Variants in PDE7B observed in about 807,000 individuals in gnomAD.
PDE7B encodes 3',5'-cyclic-AMP phosphodiesterase 7B.
In PDE7B, 29 loss-of-function variants were observed where a neutral mutation model predicts 56.2. That is an observed-to-expected ratio of 0.52 (90% CI 0.38 to 0.70). The LOEUF is 0.70. PDE7B is among the 30% of genes least tolerant of loss of function. The probability of loss-of-function intolerance (pLI) is 0.00; values close to 1 mark genes in which losing one functional copy is unlikely to be tolerated. For synonymous variants in PDE7B, 197 were observed against 196.9 expected (o/e 1.00, Z 0.00); for missense variants, 490 against 565.0 (o/e 0.87, Z 1.35).
At chr6:135,890,638 A>G (rs1451067968) in intron 1 of PDE7B, among the ~76,000 whole-genome samples, 1 of 152,152 alleles carries the variant, frequency 6.6e-6, no homozygotes, top group Admixed American at 6.6e-5. Flanking sequence ...CACCAAAATG[A>G]GGAGAAGGAG....
At chr6:136,091,938 C>T (rs1777394442) in intron 2 of PDE7B, among the ~76,000 whole-genome samples, 1 of 152,140 alleles carries the variant, frequency 6.6e-6, no homozygotes, top group East Asian at 1.9e-4. Flanking sequence ...ATATACTACA[C>T]ATAAATCCAT....
chr6:135,937,125 C>T (rs995011198), intron 1 of PDE7B, among the ~76,000 whole-genome samples: 1 of 152,186 alleles, frequency 6.6e-6, no homozygotes, highest in Non-Finnish European at 1.5e-5. Flanking sequence ...TAGCAGAACC[C>T]TTTTTCCACC....
chr6:135,890,908 C>A (rs757422552), intron 1 of PDE7B, among the ~76,000 whole-genome samples: 1 of 151,904 alleles, frequency 6.6e-6, no homozygotes, highest in African/African-American at 2.4e-5. Flanking sequence ...TGTTTATTCA[C>A]GTGTTATTTT....
chr6:135,866,413 C>T (rs1315341257), intron 1 of PDE7B, among the ~76,000 whole-genome samples: 1 of 152,086 alleles, frequency 6.6e-6, no homozygotes, highest in Non-Finnish European at 1.5e-5. Flanking sequence ...CATTTCTTTA[C>T]AAAAGCATTA....
chr6:136,012,029 A>C (rs1312637759), intron 2 of PDE7B, among the ~76,000 whole-genome samples: 1 of 152,164 alleles, frequency 6.6e-6, no homozygotes, highest in Non-Finnish European at 1.5e-5. Context: ...ATGTAATTAC[A>C]AGTGAAATAT....
At chr6:135,911,299 C>T (rs1289942929) in intron 1 of PDE7B, among the ~76,000 whole-genome samples, 1 of 152,128 alleles carries the variant, frequency 6.6e-6, no homozygotes, top group Non-Finnish European at 1.5e-5. Context: ...CCCTAACTGC[C>T]CTTATTTTGG....
At chr6:135,903,407 A>G (rs1776040651) in intron 1 of PDE7B, among the ~76,000 whole-genome samples, 1 of 152,186 alleles carries the variant, frequency 6.6e-6, no homozygotes. Context: ...CCTGTACTCC[A>G]ATATGCTGCT....
intron 2 of PDE7B, among the ~76,000 whole-genome samples, chr6:135,981,383 A>G (rs1341162604): frequency 6.6e-6 from 1 of 151,834 alleles, no homozygotes; most frequent in Non-Finnish European, 1.5e-5. Flanking sequence ...ATGTACACAT[A>G]TGTAACTAAC....
At chr6:136,062,218 T>C (rs1776856912) in intron 2 of PDE7B, among the ~76,000 whole-genome samples, 1 of 152,178 alleles carries the variant, frequency 6.6e-6, no homozygotes, top group African/African-American at 2.4e-5. Flanking sequence ...TCCACCTTTA[T>C]TGAGATATAA....
At chr6:136,091,743 G>T (rs1777390926) in intron 2 of PDE7B, among the ~76,000 whole-genome samples, 1 of 152,218 alleles carries the variant, frequency 6.6e-6, no homozygotes, top group Non-Finnish European at 1.5e-5. Context: ...TCTCCAGTGT[G>T]CTGAAATATT....
chr6:135,964,882 C>T (rs938286553), intron 2 of PDE7B, among the ~76,000 whole-genome samples: 1 of 152,230 alleles, frequency 6.6e-6, no homozygotes, highest in African/African-American at 2.4e-5. Context: ...TGGCTCATGC[C>T]TGTAATCCCA....
chr6:136,105,951 C>T (rs771397518), intron 2 of PDE7B, among the ~76,000 whole-genome samples: 2 of 152,196 alleles, frequency 1.3e-5, no homozygotes, highest in Non-Finnish European at 2.9e-5. Context: ...AAAAGGTGAG[C>T]GTGAAAGTGC....
At chr6:135,895,613 G>T (rs565714412) in intron 1 of PDE7B, among the ~76,000 whole-genome samples, 54 of 152,228 alleles carry the variant, frequency 3.5e-4, no homozygotes, top group Middle Eastern at 3.4e-3. Flanking sequence ...GTGCTTGCAG[G>T]CAAAAACATT....
At chr6:136,067,594 T>C (rs1298241413) in intron 2 of PDE7B, among the ~76,000 whole-genome samples, 1 of 152,218 alleles carries the variant, frequency 6.6e-6, no homozygotes, top group East Asian at 1.9e-4. Flanking sequence ...AATTAAAGTG[T>C]TTGACTTCTT....
chr6:135,908,508 T>C (rs547685567), intron 1 of PDE7B, among the ~76,000 whole-genome samples: 4 of 152,228 alleles, frequency 2.6e-5, no homozygotes, highest in African/African-American at 9.6e-5. Flanking sequence ...AACATTTACA[T>C]GTATCTGTAT....
chr6:136,098,955 G>GTGA (rs1294212155), intron 2 of PDE7B, among the ~76,000 whole-genome samples: 2 of 134,992 alleles, frequency 1.5e-5, no homozygotes, highest in Non-Finnish European at 3.1e-5. Context: ...GCCTCAGTGT[G>GTGA]TGATGTTCCC....
intron 3 of PDE7B, among the ~76,000 whole-genome samples, chr6:136,125,823 G>A (rs1010174122): frequency 2.0e-5 from 3 of 152,024 alleles, no homozygotes; most frequent in African/African-American, 4.8e-5. Context: ...TTACACAACA[G>A]CCTTCCCGGG....
At chr6:136,024,822 C>T (rs763658423) in intron 2 of PDE7B, among the ~76,000 whole-genome samples, 4 of 152,078 alleles carry the variant, frequency 2.6e-5, no homozygotes, top group Non-Finnish European at 4.4e-5. Flanking sequence ...AGAAAAAGCC[C>T]CCAAGAAATG....
intron 8 of PDE7B, among the ~76,000 whole-genome samples, chr6:136,171,634 CTTTT>C (rs111587468): frequency 2.2e-4 from 34 of 151,310 alleles, no homozygotes; most frequent in South Asian, 1.0e-3. Flanking sequence ...CACTGCTTCA[CTTTT>C]TTTTTATTAT....
Sources: allele counts gnomAD v4.1 joint callset (sites outside exome capture counted in the v4.1 genomes callset), GRCh38; gene constraint gnomAD v4.1.1; transcripts MANE v1.5; gene names NCBI Gene and HGNC (gene_info 2026-07-23, HGNC 2026-07-21).